TENM1: variants seen among roughly 807,000 people sequenced by gnomAD.
The protein encoded by TENM1 is teneurin transmembrane protein 1.
Under a neutral mutation model 174.8 loss-of-function variants are expected in TENM1, and 35 were observed. The ratio of observed to expected loss-of-function variants is 0.20; its 90% CI spans 0.15 to 0.27. The LOEUF is 0.27. Among genes scored for constraint, TENM1 ranks in the 10% least tolerant of loss-of-function variants. TENM1 has a pLI of 1.00. For synonymous variants in TENM1, 781 were observed against 798.7 expected (o/e 0.98, Z 0.37); for missense variants, 1,633 against 2,130.1 (o/e 0.77, Z 4.59).
chrX:125,011,780 G>A, the TENM1 span, among the ~76,000 whole-genome samples: 9 of 111,706 alleles, frequency 8.1e-5, no homozygotes, highest in Middle Eastern at 4.6e-3. Context: ...ACAGCGTGGC[G>A]ATTCCTCAGG....
At chrX:124,593,571 G>A (rs759721132) in intron 11 of TENM1, among the ~76,000 whole-genome samples, 1 of 111,768 alleles carries the variant, frequency 8.9e-6, no homozygotes, top group East Asian at 2.8e-4. Context: ...GGGGCAGAGA[G>A]GGCCCTACTG....
At chrX:124,887,891 T>G (rs2057415740) in intron 3 of TENM1, among the ~76,000 whole-genome samples, 1 of 111,375 alleles carries the variant, frequency 9.0e-6, no homozygotes, top group African/African-American at 3.3e-5. Context: ...AATCAGATGG[T>G]TTCTGAGGAA....
At chrX:124,607,517 A>C (rs2050187534) in intron 11 of TENM1, among the ~76,000 whole-genome samples, 1 of 111,525 alleles carries the variant, frequency 9.0e-6, no homozygotes, top group Admixed American at 9.6e-5. Flanking sequence ...GAAGAAAAAA[A>C]AGGAGGCCAG....
the TENM1 span, among the ~76,000 whole-genome samples, chrX:125,075,230 A>G: frequency 9.0e-6 from 1 of 111,722 alleles, no homozygotes; most frequent in East Asian, 2.8e-4. Context: ...AGATTGTACA[A>G]TAGGTTTGCA....
chrX:124,478,053 CT>C (rs1482949407), intron 22 of TENM1, among the ~76,000 whole-genome samples: 1 of 112,145 alleles, frequency 8.9e-6, no homozygotes, highest in Admixed American at 9.5e-5. Context: ...ACAGTAGGCA[CT>C]GAACAAGTTA....
chrX:124,891,001 T>C (rs773128336), intron 3 of TENM1, among the ~76,000 whole-genome samples: 1 of 111,527 alleles, frequency 9.0e-6, no homozygotes, highest in Non-Finnish European at 1.9e-5. Context: ...TGCAACAACA[T>C]GAATGGAATT....
At chrX:124,989,915 C>T in the TENM1 span, among the ~76,000 whole-genome samples, 4 of 111,807 alleles carry the variant, frequency 3.6e-5, no homozygotes, top group East Asian at 1.1e-3. Flanking sequence ...AAGCATTTGG[C>T]AGCTCTTTCA....
At chrX:124,778,153 A>G (rs1480826432) in intron 3 of TENM1, among the ~76,000 whole-genome samples, 1 of 112,915 alleles carries the variant, frequency 8.9e-6, no homozygotes, top group Non-Finnish European at 1.9e-5. Context: ...CAGTAGGGAC[A>G]GTTAAATGCC....
At chrX:124,945,279 G>A in intron 1 of TENM1, among the ~76,000 whole-genome samples, 1 of 111,551 alleles carries the variant, frequency 9.0e-6, no homozygotes, top group Non-Finnish European at 1.9e-5. Flanking sequence ...GGTTGAGAAA[G>A]AGAGTAGCAG....
At chrX:125,139,422 C>T in the TENM1 span, among the ~76,000 whole-genome samples, 24 of 111,273 alleles carry the variant, frequency 2.2e-4, no homozygotes, top group Admixed American at 1.1e-3. Flanking sequence ...GAAGCTACCA[C>T]CACATCTGCT....
the TENM1 span, among the ~76,000 whole-genome samples, chrX:125,047,427 T>A: frequency 8.9e-6 from 1 of 111,876 alleles, no homozygotes; most frequent in Admixed American, 9.5e-5. Context: ...TTTATTATGC[T>A]ACCTTTAAAA....
the TENM1 span, among the ~76,000 whole-genome samples, chrX:125,200,813 T>C: frequency 9.0e-6 from 1 of 111,176 alleles, no homozygotes; most frequent in Non-Finnish European, 1.9e-5. Context: ...TAAATAATAA[T>C]AATTAACTTG....
intron 23 of TENM1, among the ~76,000 whole-genome samples, chrX:124,425,738 T>C (rs2060705873): frequency 1.8e-5 from 2 of 112,004 alleles, no homozygotes; most frequent in African/African-American, 3.2e-5. Flanking sequence ...CAGTTTTGTT[T>C]TGATGGCTGT....
chrX:124,438,574 G>T (rs1219838098), intron 23 of TENM1, among the ~76,000 whole-genome samples: 3 of 111,778 alleles, frequency 2.7e-5, no homozygotes, highest in African/African-American at 9.8e-5. Context: ...TCCTTTGTGT[G>T]GAAAGAGGAC....
chrX:124,640,317 G>A (rs774899006), intron 11 of TENM1, among the ~76,000 whole-genome samples: 6 of 111,228 alleles, frequency 5.4e-5, no homozygotes, highest in African/African-American at 1.3e-4. Flanking sequence ...GAATTATTAC[G>A]CTAAAATTAA....
the TENM1 span, among the ~76,000 whole-genome samples, chrX:125,039,669 C>G: frequency 9.0e-6 from 1 of 111,298 alleles, no homozygotes; most frequent in Admixed American, 9.6e-5. Context: ...ACCCAGAAAA[C>G]AGAATCAGAT....
chrX:125,049,440 T>C, the TENM1 span, among the ~76,000 whole-genome samples: 1 of 112,265 alleles, frequency 8.9e-6, no homozygotes, highest in African/African-American at 3.2e-5. Context: ...CGATATTTCA[T>C]TGTATAGATA....
intron 4 of TENM1, among the ~76,000 whole-genome samples, chrX:124,721,626 A>AT (rs1168108334): frequency 1.8e-5 from 2 of 112,223 alleles, no homozygotes; most frequent in African/African-American, 6.5e-5. Flanking sequence ...AGTTCTTTAT[A>AT]TACCAGAGAC....
rs139762585 is a variant in TENM1, at chrX:124,908,919, T to C, written c.218-12678A>G. Among the ~76,000 whole-genome samples, 537 of 109,315 alleles carry C rather than the reference T, an allele frequency of 4.9e-3. 4 individuals are homozygous for C. The highest frequency in any genetic ancestry group is 0.017 in the African/African-American group (506 of 29,957). The allele number at this position is 109,315 out of a possible 115,157, so 94.9% of individuals were successfully genotyped here. On this transcript the variant is annotated intron_variant, in intron 1 of 31. Transcript: ENST00000422452. Reference sequence around the variant, plus strand: ...TGTCTCCCAGGCTGGAGTGCAGTGATGCGATCTTGGCTCACTGCAACCTCC... The same window carrying C: ...TGTCTCCCAGGCTGGAGTGCAGTGACGCGATCTTGGCTCACTGCAACCTCC...
Sources: gnomAD v4.1 joint callset for allele counts (sites outside exome capture counted in the v4.1 genomes callset) on GRCh38, gnomAD v4.1.1 for gene constraint, MANE v1.5 for transcripts, NCBI Gene and HGNC (gene_info 2026-07-23, HGNC 2026-07-21) for gene names.